Variants in SLC35F1 observed in about 807,000 individuals in gnomAD.
SLC35F1 encodes the protein solute carrier family 35 member F1, also known as chromosome 6 open reading frame 169.
Under a neutral mutation model 48.7 loss-of-function variants are expected in SLC35F1, and 14 were observed. The observed-to-expected ratio is 0.29, with a 90% confidence interval of 0.19 to 0.45. The LOEUF is 0.45. SLC35F1 is among the 20% of genes least tolerant of loss of function. The probability of loss-of-function intolerance (pLI) is 1.00; values close to 1 mark genes in which losing one functional copy is unlikely to be tolerated. For missense variants in SLC35F1, 404 were observed against 500.0 expected (o/e 0.81, Z 1.83); for synonymous variants, 190 against 202.2 (o/e 0.94, Z 0.51).
At chr6:118,039,676 A>T (rs996670901) in intron 1 of SLC35F1, among the ~76,000 whole-genome samples, 9 of 151,700 alleles carry the variant, frequency 5.9e-5, no homozygotes, top group Non-Finnish European at 1.3e-4. Context: ...TTTAGTTTAA[A>T]ATATCTGGTT....
chr6:118,238,494 GT>G (rs1775395915), intron 3 of SLC35F1, among the ~76,000 whole-genome samples: 1 of 151,506 alleles, frequency 6.6e-6, no homozygotes, highest in Admixed American at 6.6e-5. Context: ...GGAACATCTA[GT>G]AAAAGGATGA....
intron 2 of SLC35F1, among the ~76,000 whole-genome samples, chr6:118,172,735 T>C (rs1236388218): frequency 6.6e-6 from 1 of 152,208 alleles, no homozygotes; most frequent in Non-Finnish European, 1.5e-5. Context: ...TATGAATTTG[T>C]AATTGTGGTT....
chr6:118,292,700 T>C (rs890646509), intron 7 of SLC35F1, among the ~76,000 whole-genome samples: 6 of 143,676 alleles, frequency 4.2e-5, no homozygotes, highest in Non-Finnish European at 7.6e-5. Context: ...TTTTTTTTTT[T>C]CACTTTCCAC....
chr6:118,306,937 G>A (rs1488220466), intron 7 of SLC35F1, among the ~76,000 whole-genome samples: 1 of 152,182 alleles, frequency 6.6e-6, no homozygotes, highest in African/African-American at 2.4e-5. Context: ...CCTTAGATGT[G>A]ATTGGCTGCA....
At chr6:118,013,545 T>A (rs1291873175) in intron 1 of SLC35F1, among the ~76,000 whole-genome samples, 2 of 152,226 alleles carry the variant, frequency 1.3e-5, no homozygotes, top group Admixed American at 1.3e-4. Context: ...AATAGGAAAG[T>A]GCATTTCTCC....
intron 1 of SLC35F1, among the ~76,000 whole-genome samples, chr6:118,016,185 C>A (rs375234962): frequency 6.6e-6 from 1 of 152,144 alleles, no homozygotes. Context: ...ATCTTGGAAT[C>A]GGTTTGCTGT....
chr6:117,932,428 G>A (rs970486819), intron 1 of SLC35F1, among the ~76,000 whole-genome samples: 4 of 152,178 alleles, frequency 2.6e-5, no homozygotes, highest in Non-Finnish European at 4.4e-5. Flanking sequence ...AATTCAGACA[G>A]TTTGGCTTTA....
chr6:118,015,911 T>C (rs1236416090), intron 1 of SLC35F1, among the ~76,000 whole-genome samples: 1 of 152,156 alleles, frequency 6.6e-6, no homozygotes, highest in African/African-American at 2.4e-5. Context: ...ATAGACAGTG[T>C]CTCTTATAGT....
chr6:117,982,415 T>C (rs1426241377), intron 1 of SLC35F1, among the ~76,000 whole-genome samples: 1 of 152,234 alleles, frequency 6.6e-6, no homozygotes, highest in Non-Finnish European at 1.5e-5. Context: ...AAAACTATGA[T>C]TTTAGAGAAC....
chr6:118,158,369 C>T (rs370004235), intron 2 of SLC35F1, among the ~76,000 whole-genome samples: 20 of 152,152 alleles, frequency 1.3e-4, no homozygotes, highest in East Asian at 1.2e-3. Context: ...GAATGAACAA[C>T]AAAGAGGGAA....
intron 2 of SLC35F1, among the ~76,000 whole-genome samples, chr6:118,222,006 G>A (rs140882737): frequency 9.5e-4 from 144 of 152,026 alleles, no homozygotes; most frequent in African/African-American, 3.4e-3. Flanking sequence ...AATATGGTCT[G>A]CACATTACAG....
chr6:118,140,387 G>A (rs958403477), intron 1 of SLC35F1, among the ~76,000 whole-genome samples: 7 of 152,190 alleles, frequency 4.6e-5, no homozygotes, highest in African/African-American at 1.7e-4. Context: ...ACTTCATAGT[G>A]TAGTAGCGCA....
chr6:118,284,798 T>C (rs748103915), intron 6 of SLC35F1, among the ~76,000 whole-genome samples: 1 of 152,166 alleles, frequency 6.6e-6, no homozygotes, highest in Admixed American at 6.5e-5. Flanking sequence ...GTTTTGTTGC[T>C]ATTACTCAAA....
chr6:118,091,623 T>G (rs1442583016), intron 1 of SLC35F1, among the ~76,000 whole-genome samples: 3 of 152,182 alleles, frequency 2.0e-5, no homozygotes, highest in Admixed American at 6.5e-5. Context: ...AATGAGCTAT[T>G]ACAGTAAGTT....
chr6:118,169,815 A>T (rs112017417), intron 2 of SLC35F1, among the ~76,000 whole-genome samples: 2 of 152,196 alleles, frequency 1.3e-5, no homozygotes, highest in African/African-American at 4.8e-5. Flanking sequence ...TTCCATTTCT[A>T]TTGAAATCAA....
intron 1 of SLC35F1, among the ~76,000 whole-genome samples, chr6:117,965,499 G>A (rs547010586): frequency 5.9e-4 from 90 of 152,310 alleles, no homozygotes; most frequent in Middle Eastern, 3.4e-3. Context: ...CTTTTGGAAT[G>A]AATGGCCTGG....
intron 1 of SLC35F1, among the ~76,000 whole-genome samples, chr6:118,013,945 T>C (rs1777286034): frequency 6.6e-6 from 1 of 152,196 alleles, no homozygotes; most frequent in Non-Finnish European, 1.5e-5. Context: ...TGTTGGGTGT[T>C]ATACAAATTC....
Position 118,125,029 on chromosome 6 carries a change from A to G in SLC35F1, c.174-29416A>G, listed in dbSNP as rs375414895. On this transcript the variant is annotated intron_variant, in intron 1 of 7. Coordinates refer to ENST00000360388, the MANE Select transcript of SLC35F1 (RefSeq NM_001029858.4). ...AGGATATCCTGCAGCTCAGCTTCTAATATTTACTCTCACATTCCAGAATCT... is the reference window on the plus strand; with the variant it reads ...AGGATATCCTGCAGCTCAGCTTCTAGTATTTACTCTCACATTCCAGAATCT... Among the ~76,000 whole-genome samples the G allele has an allele frequency of 4.1e-4, 63 of 152,318 alleles. 2 individuals carry two copies. The South Asian group carries it at 8.1e-3, about 20-fold the overall frequency.
chr6:118,198,367 T>C (rs936290541), intron 2 of SLC35F1, among the ~76,000 whole-genome samples: 10 of 152,176 alleles, frequency 6.6e-5, no homozygotes, highest in African/African-American at 1.7e-4. Context: ...ACCATAAAAG[T>C]GTTTCAAACT....
Sources: gnomAD v4.1 joint callset for allele counts (sites outside exome capture counted in the v4.1 genomes callset) on GRCh38, gnomAD v4.1.1 for gene constraint, MANE v1.5 for transcripts, NCBI Gene and HGNC (gene_info 2026-07-23, HGNC 2026-07-21) for gene names.